UGT2A1: variants seen among roughly 807,000 people sequenced by gnomAD.
UGT2A1 encodes UDP glucuronosyltransferase family 2 member A1 complex locus.
A neutral mutation model predicts 45.4 loss-of-function variants in UGT2A1; 61 were observed. The observed-to-expected ratio is 1.34, with a 90% confidence interval of 1.09 to 1.66. UGT2A1 has a LOEUF of 1.66. Among genes scored for constraint, UGT2A1 ranks in the 40% most tolerant of loss-of-function variants. The pLI is 0.00. For synonymous variants in UGT2A1, 229 were observed against 196.2 expected (o/e 1.17, Z -1.40); for missense variants, 649 against 574.3 (o/e 1.13, Z -1.33).
intron 1 of UGT2A1, among the ~76,000 whole-genome samples, chr4:69,648,177 A>C (rs1722368898): frequency 6.7e-6 from 1 of 149,772 alleles, no homozygotes; most frequent in Admixed American, 6.7e-5. Flanking sequence ...ATATGTATAA[A>C]TATATTACTA....
At chr4:69,602,289 G>C (rs1288349558) in intron 3 of UGT2A1, among the ~76,000 whole-genome samples, 1 of 135,782 alleles carries the variant, frequency 7.4e-6, no homozygotes, top group Non-Finnish European at 1.6e-5. Context: ...ACCAACAAAG[G>C]CACTCCAAAC....
rs1474511189 is a variant in UGT2A1, at chr4:69,628,739, ACTT to A, written c.847+6949_847+6951del. On this transcript the variant is annotated intron_variant, in intron 3 of 6. Coordinates refer to ENST00000286604, the MANE Select transcript of UGT2A1 (RefSeq NM_001252275.3). The stretch of plus-strand genomic sequence containing the variant: ...AATATATGAATGATCTAGAATGCCT[ACTT>A]CTACTTAATACTAAATGTAAAGTTT... 2.0e-5 allele frequency among the ~76,000 whole-genome samples: 3 copies of A among 148,276 alleles called. No homozygotes were observed. In the East Asian group the frequency reaches 5.9e-4, roughly 29 times the overall value.
intron 6 of UGT2A1, 77 bp downstream of exon 6, chr4:69,594,400 T>G (rs1475701592): frequency 4.6e-6 from 7 of 1,537,718 alleles, no homozygotes; most frequent in Non-Finnish European, 6.1e-6. Flanking sequence ...TACAAAAGTA[T>G]AAAAGAATGT....
rs983841949 is a variant in UGT2A1 at position 69,604,328 on chromosome 4, G to A, written c.848-4934C>T. On this transcript the variant is annotated intron_variant, in intron 3 of 6. Transcript: ENST00000286604. ...TATCTAGCCAAACTAAGCTTCATAA[G>A]AGGAGAAGGAGAAATAAAATACTTT... Among the ~76,000 whole-genome samples the A allele has an allele frequency of 6.2e-5, 6 of 97,224 alleles. 1 individual carries two copies. Among genetic ancestry groups the A allele is most frequent in the African/African-American group, 2.4e-4 (6 of 25,028 alleles). The allele number at this position is 97,224 out of a possible 152,430, so 63.8% of individuals were successfully genotyped here.
Position 69,594,648 on chromosome 4 carries a change from A to G in UGT2A1, c.1133T>C (p.Ile378Thr), listed in dbSNP as rs1470469921. 6.2e-7 allele frequency: 1 copy of G among 1,614,140 alleles called. No individual in the cohort carries two copies. The highest frequency in any genetic ancestry group is 8.5e-7 in the Non-Finnish European group (1 of 1,180,026). Residue 378 changes from isoleucine (I) to threonine (T), a missense_variant, in exon 6 of 7, where the codon ATC becomes ACC. Transcript: ENST00000286604. ...GACTCCGTGGTAAATAGCTTCGTAGATCCCATTAGTTCCACCATGAGTGAT... is the reference window on the plus strand; with the variant it reads ...GACTCCGTGGTAAATAGCTTCGTAGGTCCCATTAGTTCCACCATGAGTGAT... ...AFITHGGTNG[I>T]YEAIYHGVPM...
At chr4:69,599,680 A>G in intron 3 of UGT2A1, 1 of 291,328 alleles carries the variant, frequency 3.4e-6, no homozygotes, top group South Asian at 8.1e-5. Context: ...GGGAAGAAAG[A>G]GGTAGAAATA....
chr4:69,652,211 G>C (rs1314411150), intron 1 of UGT2A1, among the ~76,000 whole-genome samples: 1 of 151,498 alleles, frequency 6.6e-6, no homozygotes, highest in Non-Finnish European at 1.5e-5. Flanking sequence ...AAAGGAGTTA[G>C]CATGGCATTC....
At chr4:69,632,887 A>AC (rs1278889429) in intron 3 of UGT2A1, among the ~76,000 whole-genome samples, 3 of 142,540 alleles carry the variant, frequency 2.1e-5, no homozygotes, top group African/African-American at 7.6e-5. Flanking sequence ...GACTCGGTCA[A>AC]AAAAAAAAAA....
At chr4:69,636,787 T>C (rs1366285034) in intron 2 of UGT2A1, among the ~76,000 whole-genome samples, 1 of 152,144 alleles carries the variant, frequency 6.6e-6, no homozygotes, top group Non-Finnish European at 1.5e-5. Flanking sequence ...ATAGTTGACA[T>C]GGAATAGCCA....
chr4:69,627,399 T>C (rs1721121150), intron 3 of UGT2A1, among the ~76,000 whole-genome samples: 1 of 151,712 alleles, frequency 6.6e-6, no homozygotes, highest in Admixed American at 6.6e-5. Flanking sequence ...TCATATGATT[T>C]TATGCATAGA....
intron 3 of UGT2A1, among the ~76,000 whole-genome samples, chr4:69,628,442 C>T (rs560891776): frequency 1.3e-5 from 2 of 151,736 alleles, no homozygotes; most frequent in South Asian, 2.1e-4. Context: ...AGAAAGAAAC[C>T]TACCCATATA....
intron 2 of UGT2A1, chr4:69,639,514 A>G (rs1721933303): frequency 1.9e-6 from 3 of 1,613,388 alleles, no homozygotes; most frequent in Non-Finnish European, 2.5e-6. Context: ...TTAATATTTA[A>G]CCAATGGCTA....
At chr4:69,639,158 T>A in intron 2 of UGT2A1, 1 of 1,613,704 alleles carries the variant, frequency 6.2e-7, no homozygotes, top group South Asian at 1.1e-5. Flanking sequence ...CACAGATTGT[T>A]ACTGGGTCTG....
intron 3 of UGT2A1, among the ~76,000 whole-genome samples, chr4:69,602,935 G>T (rs956572401): frequency 7.4e-6 from 1 of 135,274 alleles, no homozygotes. Context: ...GGGCGTGGTG[G>T]CAGGTGCCTG....
intron 3 of UGT2A1, among the ~76,000 whole-genome samples, chr4:69,604,921 C>A (rs1719515577): frequency 7.3e-6 from 1 of 136,540 alleles, no homozygotes; most frequent in African/African-American, 3.0e-5. Context: ...ATTCATAAAG[C>A]AAGTCCTTAG....
chr4:69,618,698 AT>A (rs1720559052), intron 3 of UGT2A1, among the ~76,000 whole-genome samples: 1 of 152,018 alleles, frequency 6.6e-6, no homozygotes, highest in South Asian at 2.1e-4. Context: ...TAAAAGTGTA[AT>A]TCTAAGTTCA....
rs1722157908 is a variant in UGT2A1 at position 69,644,216 on chromosome 4, T to A, written c.715+2714A>T. Among the ~76,000 whole-genome samples, 2 of 151,700 alleles carry A rather than the reference T, an allele frequency of 1.3e-5. 1 individual carries two copies. The highest frequency in any genetic ancestry group is 4.1e-4 in the South Asian group (2 of 4,824). ...GACTGAAAGAATAGTGTGCTTTTAT[T>A]ACCAGCATTAACTTACAGGCAAAAT... On this transcript the variant is annotated intron_variant, in intron 2 of 6. Coordinates refer to ENST00000286604, the MANE Select transcript of UGT2A1 (RefSeq NM_001252275.3).
chr4:69,635,324 G>C (rs1721612788), intron 3 of UGT2A1, among the ~76,000 whole-genome samples: 1 of 152,138 alleles, frequency 6.6e-6, no homozygotes. Context: ...CCGATCTACA[G>C]TGCGCTGGGA....
intron 3 of UGT2A1, among the ~76,000 whole-genome samples, chr4:69,610,870 G>A (rs17147507): frequency 0.19 from 29,583 of 152,104 alleles, 3,521 homozygotes; most frequent in East Asian, 0.55. Context: ...TGCTAGCACT[G>A]CTACAGCTAC....
Sources: allele counts gnomAD v4.1 joint callset (sites outside exome capture counted in the v4.1 genomes callset), GRCh38; gene constraint gnomAD v4.1.1; transcripts MANE v1.5; gene names NCBI Gene and HGNC (gene_info 2026-07-23, HGNC 2026-07-21).